Variants in PTPRD observed in about 807,000 individuals in gnomAD.
PTPRD encodes receptor-type tyrosine-protein phosphatase delta.
A neutral mutation model predicts 214.5 loss-of-function variants in PTPRD; 34 were observed. That is an observed-to-expected ratio of 0.16 (90% confidence interval 0.12 to 0.21). The LOEUF (loss-of-function observed/expected upper bound fraction) is 0.21. Ranked by LOEUF, PTPRD falls within the 10% of genes least tolerant of loss-of-function variation. PTPRD has a pLI of 1.00. For missense variants in PTPRD, 2,545 were observed against 2,398.7 expected (o/e 1.06, Z -1.27); for synonymous variants, 1,128 against 845.7 (o/e 1.33, Z -5.79).
intron 4 of PTPRD, among the ~76,000 whole-genome samples, chr9:9,970,429 C>CA (rs35445219): frequency 0.021 from 1,925 of 91,842 alleles, 42 homozygotes; most frequent in Middle Eastern, 0.044. Flanking sequence ...GACTCCTTCT[C>CA]AAAAAAAAAA....
intron 9 of PTPRD, among the ~76,000 whole-genome samples, chr9:9,268,996 A>G (rs569773858): frequency 4.6e-5 from 7 of 150,866 alleles, no homozygotes; most frequent in Middle Eastern, 3.4e-3. Context: ...AAAAAAAACC[A>G]AAAATAAACA....
At chr9:9,836,278 A>G (rs777497207) in intron 5 of PTPRD, among the ~76,000 whole-genome samples, 1 of 152,252 alleles carries the variant, frequency 6.6e-6, no homozygotes. Flanking sequence ...TTATTTGAAT[A>G]CTTCCAGAAT....
At chr9:9,692,489 TC>T (rs1206967792) in intron 7 of PTPRD, among the ~76,000 whole-genome samples, 2 of 152,060 alleles carry the variant, frequency 1.3e-5, no homozygotes, top group African/African-American at 4.8e-5. Context: ...AGTTTATGTG[TC>T]TGTTTTTATG....
chr9:10,496,296 T>G (rs919126881), intron 2 of PTPRD, among the ~76,000 whole-genome samples: 2 of 151,874 alleles, frequency 1.3e-5, no homozygotes, highest in African/African-American at 4.8e-5. Flanking sequence ...AAGATAAAAT[T>G]TTCTGGATAT....
rs148159670 is a variant in PTPRD at position 10,264,867 on chromosome 9, A to C, written c.-545+76096T>G. Among the ~76,000 whole-genome samples the C allele has an allele frequency of 1.6e-3, 238 of 152,174 alleles. 1 individual carries two copies. The highest frequency in any genetic ancestry group is 5.6e-3 in the African/African-American group (234 of 41,510). ...TGTTGTGGGAGGGACCCAGGGGGAG[A>C]TAATTGAATCATGGGGGCAGTTCCC... On this transcript the variant is annotated intron_variant, in intron 3 of 45. Coordinates refer to ENST00000381196, the MANE Select transcript of PTPRD (RefSeq NM_002839.4).
rs2099743043 is a variant in PTPRD at position 9,071,095 on chromosome 9, T to G, written c.-142-52360A>C. On this transcript the variant is annotated intron_variant, in intron 10 of 45. Coordinates refer to ENST00000381196, the MANE Select transcript of PTPRD (RefSeq NM_002839.4). ...TACCCAGCTAATCTTTTAATTTTTT[T>G]GTAGAGACAGGGTCTCCCTATGTTG... 2.6e-5 allele frequency among the ~76,000 whole-genome samples: 4 copies of G among 152,168 alleles called. No individual in the cohort carries two copies. In the South Asian group the frequency reaches 8.3e-4, roughly 32 times the overall value.
At chr9:9,408,007 G>C (rs888116996) in intron 8 of PTPRD, among the ~76,000 whole-genome samples, 1 of 151,752 alleles carries the variant, frequency 6.6e-6, no homozygotes, top group Non-Finnish European at 1.5e-5. Context: ...CAATCTGCCT[G>C]TGGGGTAAGT....
At chr9:10,017,407 T>C (rs2096743297) in intron 4 of PTPRD, among the ~76,000 whole-genome samples, 1 of 152,188 alleles carries the variant, frequency 6.6e-6, no homozygotes, top group Non-Finnish European at 1.5e-5. Flanking sequence ...ACTATAAACA[T>C]GTTTTATAAA....
At chr9:10,003,874 C>T (rs1043704446) in intron 4 of PTPRD, among the ~76,000 whole-genome samples, 2 of 151,274 alleles carry the variant, frequency 1.3e-5, no homozygotes, top group Non-Finnish European at 3.0e-5. Flanking sequence ...TTTAAAAAGC[C>T]GACATACCCG....
intron 3 of PTPRD, among the ~76,000 whole-genome samples, chr9:10,160,826 T>G (rs1274293747): frequency 1.3e-5 from 2 of 151,880 alleles, no homozygotes; most frequent in Non-Finnish European, 2.9e-5. Context: ...TAGAAAAACC[T>G]GAAGACAACA....
At chr9:10,375,945 T>C (rs2097719681) in intron 2 of PTPRD, among the ~76,000 whole-genome samples, 1 of 152,018 alleles carries the variant, frequency 6.6e-6, no homozygotes, top group African/African-American at 2.4e-5. Flanking sequence ...TAACTAGCTT[T>C]CTTTTAAGTC....
chr9:10,332,431 T>A (rs1160586098), intron 3 of PTPRD, among the ~76,000 whole-genome samples: 1 of 151,826 alleles, frequency 6.6e-6, no homozygotes, highest in Admixed American at 6.6e-5. Flanking sequence ...GTAGGAATTA[T>A]CTTCACTTCC....
chr9:9,582,017 T>C lies in PTPRD; in HGVS notation c.-286-7236A>G, dbSNP rs568398820. On this transcript the variant is annotated intron_variant, in intron 7 of 45. Coordinates refer to ENST00000381196, the MANE Select transcript of PTPRD (RefSeq NM_002839.4). ...TGCCACTTCAAAAGCTACTAGACAT[T>C]GTACAATTGCATTCTATAATCTCTT... Among the ~76,000 whole-genome samples the C allele has an allele frequency of 1.8e-3, 271 of 152,284 alleles. 4 individuals carry two copies. The highest frequency in any genetic ancestry group is 5.3e-3 in the African/African-American group (221 of 41,568).
At chr9:8,319,107 A>G (rs951746363) in intron 45 of PTPRD, among the ~76,000 whole-genome samples, 2 of 152,068 alleles carry the variant, frequency 1.3e-5, no homozygotes, top group African/African-American at 4.8e-5. Flanking sequence ...TGTTTTGACT[A>G]TTGCAAGCCA....
intron 5 of PTPRD, among the ~76,000 whole-genome samples, chr9:9,916,094 CA>C (rs201403712): frequency 1.4e-5 from 2 of 142,128 alleles, no homozygotes; most frequent in South Asian, 2.2e-4. Flanking sequence ...AAAAAAAAAA[CA>C]AAAAACTGTC....
At chr9:9,458,780 A>G (rs530552437) in intron 8 of PTPRD, among the ~76,000 whole-genome samples, 51 of 152,150 alleles carry the variant, frequency 3.4e-4, no homozygotes, top group African/African-American at 6.5e-4. Flanking sequence ...ATCTGTACAA[A>G]TGTACAAAAA....
intron 10 of PTPRD, among the ~76,000 whole-genome samples, chr9:9,079,842 G>C (rs2099756508): frequency 6.6e-6 from 1 of 152,018 alleles, no homozygotes; most frequent in Admixed American, 6.6e-5. Context: ...ATTAAGGAGA[G>C]CTAGGATTTC....
intron 8 of PTPRD, among the ~76,000 whole-genome samples, chr9:9,418,468 A>G (rs1250519273): frequency 6.6e-6 from 1 of 152,006 alleles, no homozygotes; most frequent in Non-Finnish European, 1.5e-5. Flanking sequence ...AGTGAGAGAC[A>G]TTCATTAACA....
intron 11 of PTPRD, among the ~76,000 whole-genome samples, chr9:8,938,666 T>G (rs867161631): frequency 9.9e-5 from 15 of 152,132 alleles, no homozygotes; most frequent in Middle Eastern, 3.4e-3. Flanking sequence ...GTGACCTTTC[T>G]TAGGGAACAA....
Sources: gnomAD v4.1 joint callset for allele counts (sites outside exome capture counted in the v4.1 genomes callset) on GRCh38, gnomAD v4.1.1 for gene constraint, MANE v1.5 for transcripts, NCBI Gene and HGNC (gene_info 2026-07-23, HGNC 2026-07-21) for gene names.